The following UBE2F variants were observed in gnomAD, a reference collection of about 807,000 sequenced individuals.
UBE2F encodes the protein NEDD8-conjugating enzyme UBE2F.
In UBE2F, 5 loss-of-function variants were observed where a neutral mutation model predicts 29.6. The observed-to-expected ratio is 0.17, with a 90% CI of 0.09 to 0.36. The LOEUF is 0.36. UBE2F is among the 10% of genes least tolerant of loss of function. UBE2F has a pLI of 1.00. For synonymous variants in UBE2F, 66 were observed against 81.8 expected, an observed-to-expected ratio of 0.81 and a Z score of 1.04; for missense variants, 141 against 228.5, an observed-to-expected ratio of 0.62 and a Z score of 2.47.
At chr2:237,988,532 C>A (rs2063525429) in intron 3 of UBE2F, among the ~76,000 whole-genome samples, 1 of 151,164 alleles carries the variant, frequency 6.6e-6, no homozygotes, top group African/African-American at 2.4e-5. Context: ...ATTAGAGTCG[C>A]TTGAACCCAA....
chr2:237,968,516 A>C (rs990893456), intron 1 of UBE2F, among the ~76,000 whole-genome samples: 2 of 152,082 alleles, frequency 1.3e-5, no homozygotes, highest in Admixed American at 6.6e-5. Context: ...TTATGCTTGG[A>C]TTGAGACGTC....
chr2:238,013,659 G>C (rs6431569), intron 4 of UBE2F, among the ~76,000 whole-genome samples: 130,560 of 152,018 alleles, frequency 0.86, 56,215 homozygotes, highest in East Asian at 0.97. Flanking sequence ...GTGATTTGAG[G>C]CGACATACCC....
Position 238,032,212 on chromosome 2 carries a change from T to C in UBE2F, c.412-10T>C. ...TTAAAACTTGTTTTCTGTTTTCTTT[T>C]TTATTTCAGGATGTCGTTTGGGGAT... On this transcript the variant is annotated splice_polypyrimidine_tract_variant and intron_variant, in intron 7 of 9. Transcript: ENST00000272930. 1 of 1,612,688 alleles carries C rather than the reference T, an allele frequency of 6.2e-7. No individual in the cohort carries two copies. Among genetic ancestry groups the C allele is most frequent in the Non-Finnish European group, 8.5e-7 (1 of 1,178,894 alleles).
chr2:238,007,929 A>C (rs1178856649), intron 4 of UBE2F, among the ~76,000 whole-genome samples: 2 of 152,012 alleles, frequency 1.3e-5, no homozygotes, highest in Non-Finnish European at 2.9e-5. Flanking sequence ...TCTCTGGAAG[A>C]GTTTGTGTAA....
intron 3 of UBE2F, among the ~76,000 whole-genome samples, chr2:237,990,921 A>G (rs1274702293): frequency 6.6e-6 from 1 of 152,118 alleles, no homozygotes; most frequent in African/African-American, 2.4e-5. Context: ...TGGCCAACAC[A>G]TGTAGACATT....
At position 238,041,447 on chromosome 2, in the gene UBE2F, G is replaced by A. The variant is rs905251412; in HGVS notation, c.*109G>A. The A allele has an allele frequency of 8.2e-6, 9 of 1,093,782 alleles. No individual in the cohort carries two copies. The highest frequency in any genetic ancestry group is 6.2e-5 in the African/African-American group (4 of 64,960). 67.8% of individuals were successfully genotyped at this position (1,093,782 alleles called of 1,614,324 possible). A position where few individuals can be genotyped will look rare whatever the true frequency, so the allele number is the denominator to read the frequency against. The stretch of plus-strand genomic sequence containing the variant: ...CCTCATGCTCCCTCTCAGTCCCCTG[G>A]ATTGCCCCAGTCCTGTGACCATGTT... On this transcript the variant is annotated 3_prime_UTR_variant, in exon 10 of 10. Transcript: ENST00000272930.
chr2:238,020,210 C>T (rs2064260865), intron 5 of UBE2F, among the ~76,000 whole-genome samples: 1 of 152,176 alleles, frequency 6.6e-6, no homozygotes, highest in African/African-American at 2.4e-5. Context: ...GCTGTCTTGC[C>T]CACACTATTT....
At chr2:237,989,151 A>G (rs1296980300) in intron 3 of UBE2F, among the ~76,000 whole-genome samples, 1 of 152,066 alleles carries the variant, frequency 6.6e-6, no homozygotes, top group Non-Finnish European at 1.5e-5. Flanking sequence ...TCTGTGGGTA[A>G]TGGTGAAATA....
intron 4 of UBE2F, among the ~76,000 whole-genome samples, chr2:237,997,362 G>A (rs894544155): frequency 3.3e-5 from 5 of 152,120 alleles, no homozygotes; most frequent in Non-Finnish European, 7.3e-5. Context: ...TAGATACTGT[G>A]TATATGCCCT....
At chr2:238,023,915 A>G (rs2064353551) in intron 5 of UBE2F, among the ~76,000 whole-genome samples, 1 of 152,076 alleles carries the variant, frequency 6.6e-6, no homozygotes. Context: ...CTGAGGAAAC[A>G]TTTCACCCAG....
intron 4 of UBE2F, among the ~76,000 whole-genome samples, chr2:237,997,242 A>G (rs555359153): frequency 6.6e-6 from 1 of 152,286 alleles, no homozygotes; most frequent in South Asian, 2.1e-4. Context: ...AAAAATAAAT[A>G]AAAAGTAACT....
chr2:237,990,771 T>A (rs917395404), intron 3 of UBE2F, among the ~76,000 whole-genome samples: 14 of 149,622 alleles, frequency 9.4e-5, no homozygotes, highest in Admixed American at 3.3e-4. Flanking sequence ...AAAAAAAAAA[T>A]AATAATAAAA....
chr2:237,979,652 T>C (rs374269337), intron 2 of UBE2F, among the ~76,000 whole-genome samples: 3 of 152,296 alleles, frequency 2.0e-5, no homozygotes, highest in African/African-American at 7.2e-5. Context: ...GGCTGACCTT[T>C]AGATGCTTTG....
chr2:238,013,056 C>G (rs1042706306), intron 4 of UBE2F, among the ~76,000 whole-genome samples: 1 of 152,088 alleles, frequency 6.6e-6, no homozygotes, highest in Admixed American at 6.6e-5. Context: ...ATGGGCAGAT[C>G]GCTTGTGGTC....
intron 5 of UBE2F, among the ~76,000 whole-genome samples, chr2:238,017,717 G>A (rs955081996): frequency 1.3e-5 from 2 of 152,176 alleles, no homozygotes; most frequent in Non-Finnish European, 2.9e-5. Context: ...TCCTACTCAC[G>A]TGTTCTAACT....
At chr2:237,999,615 G>GA (rs1236391129) in intron 4 of UBE2F, among the ~76,000 whole-genome samples, 2 of 152,078 alleles carry the variant, frequency 1.3e-5, no homozygotes, top group African/African-American at 4.8e-5. Flanking sequence ...CTGTTTCAAT[G>GA]AAAAGACTTT....
At chr2:237,973,849 A>G (rs896507624) in intron 2 of UBE2F, 23 of 409,164 alleles carry the variant, frequency 5.6e-5, no homozygotes, top group East Asian at 1.4e-4. Flanking sequence ...TAAATTTTGC[A>G]TTTATTCATT....
intron 5 of UBE2F, among the ~76,000 whole-genome samples, chr2:238,020,455 G>A (rs998948816): frequency 2.0e-5 from 3 of 152,160 alleles, no homozygotes; most frequent in African/African-American, 7.2e-5. Flanking sequence ...GGATGGGCTG[G>A]GGCTTCTCAG....
In UBE2F at chr2:238,041,385, C is replaced by G; in HGVS notation, c.*47C>G. ...CCATGGACTGTGTTACAGTTTGTCT[C>G]TAACATGAAACAGCAAGAGGTAGCC... On this transcript the variant is annotated 3_prime_UTR_variant, in exon 10 of 10. Coordinates refer to ENST00000272930, the MANE Select transcript of UBE2F (RefSeq NM_080678.3). 6.2e-7 allele frequency: 1 copy of G among 1,603,786 alleles called. No individual in the cohort carries two copies. The highest frequency in any genetic ancestry group is 2.2e-5 in the East Asian group (1 of 44,840).
Sources: gnomAD v4.1 joint callset for allele counts (sites outside exome capture counted in the v4.1 genomes callset) on GRCh38, gnomAD v4.1.1 for gene constraint, MANE v1.5 for transcripts, NCBI Gene and HGNC (gene_info 2026-07-23, HGNC 2026-07-21) for gene names.